DAPK1: variants seen among roughly 807,000 people sequenced by gnomAD.
DAPK1 encodes the protein death associated protein kinase 1.
In DAPK1, 56 loss-of-function variants were observed where a neutral mutation model predicts 144.9. The ratio of observed to expected loss-of-function variants is 0.39; its 90% CI spans 0.31 to 0.48. The LOEUF is 0.48. DAPK1 is among the 20% of genes least tolerant of loss of function. DAPK1 has a pLI of 0.95. For missense variants in DAPK1, 1,454 were observed against 1,875.4 expected (o/e 0.78, Z 4.15); for synonymous variants, 690 against 749.0 (o/e 0.92, Z 1.29).
chr9:87,680,026 T>G (rs561559955), intron 19 of DAPK1, among the ~76,000 whole-genome samples: 7 of 152,198 alleles, frequency 4.6e-5, no homozygotes, highest in Admixed American at 4.6e-4. Flanking sequence ...CTTAATTGAT[T>G]AGGGTAAATT....
chr9:87,651,467 A>C (rs1830440109), intron 16 of DAPK1, 60 bp from the exon 17 acceptor site: 2 of 1,539,040 alleles, frequency 1.3e-6, no homozygotes, highest in African/African-American at 2.7e-5. Flanking sequence ...GAAAAGGTGA[A>C]GAGACGGAGG....
intron 18 of DAPK1, among the ~76,000 whole-genome samples, chr9:87,660,593 A>G (rs1830808048): frequency 6.6e-6 from 1 of 151,996 alleles, no homozygotes; most frequent in South Asian, 2.1e-4. Flanking sequence ...AGCAAAGCAC[A>G]TTGTACCCAT....
chr9:87,535,200 C>T (rs1825819667), intron 2 of DAPK1, among the ~76,000 whole-genome samples: 1 of 152,016 alleles, frequency 6.6e-6, no homozygotes, highest in African/African-American at 2.4e-5. Context: ...TCTGGTGTCA[C>T]CTCTGGCTTG....
chr9:87,643,371 AAAAG>A lies in DAPK1; in HGVS notation c.919-4_919-1del, dbSNP rs1354726120. On this transcript the variant is annotated splice_acceptor_variant and splice_polypyrimidine_tract_variant and intron_variant, in intron 10 of 25. Transcript: ENST00000408954. LOFTEE classifies it high-confidence loss of function. ...CCTTTTTTTTTTTTTTTTTTTAAAAAAAAGCAATCCGTTCGCTTGATATCACTGT... is the reference window on the plus strand; with the variant it reads ...CCTTTTTTTTTTTTTTTTTTTAAAAACAATCCGTTCGCTTGATATCACTGT... 1 of 1,552,338 alleles carries A rather than the reference AAAAG, an allele frequency of 6.4e-7. No homozygotes were observed. The highest frequency in any genetic ancestry group is 1.4e-5 in the African/African-American group (1 of 70,464).
At chr9:87,615,957 G>A (rs1264401746) in intron 3 of DAPK1, among the ~76,000 whole-genome samples, 1 of 152,252 alleles carries the variant, frequency 6.6e-6, no homozygotes, top group African/African-American at 2.4e-5. Flanking sequence ...AGGCCCCATT[G>A]TCTGTGGGCT....
chr9:87,595,019 C>A (rs1158911591), intron 2 of DAPK1, among the ~76,000 whole-genome samples: 2 of 152,186 alleles, frequency 1.3e-5, no homozygotes, highest in African/African-American at 4.8e-5. Context: ...GATTGGCATC[C>A]TGCCTTAGGG....
chr9:87,632,923 A>ATATATATATATATATATATAT (rs1829756847), intron 3 of DAPK1: 3 of 698,180 alleles, frequency 4.3e-6, no homozygotes, highest in Admixed American at 8.3e-5. Flanking sequence ...TATATATATA[A>ATATATATATATATATATATAT]ATGAAGGGTG....
chr9:87,639,363 A>G lies in DAPK1; in HGVS notation c.433A>G (p.Ile145Val). The G allele has an allele frequency of 6.2e-7, 1 of 1,607,712 alleles. No individual in the cohort carries two copies. The highest frequency in any genetic ancestry group is 8.5e-7 in the Non-Finnish European group (1 of 1,178,390). The change falls in exon 5 of 26, where the codon ATA (isoleucine) becomes GTA (valine). Residue 145 changes from isoleucine to valine, a missense_variant. Around this residue, in one of 2 missense-constraint regions of DAPK1, gnomAD observed 429 missense variants for 637.5 expected, o/e 0.67. Coordinates refer to ENST00000408954, the MANE Select transcript of DAPK1 (RefSeq NM_004938.4). ...IAHFDLKPEN[I>V]MLLDRNVPKP... The stretch of plus-strand genomic sequence containing the variant: ...CTCTCTTTTTTTCAAGCCTGAGAAC[A>G]TAATGCTTTTGGATAGAAATGTCCC...
intron 2 of DAPK1, among the ~76,000 whole-genome samples, chr9:87,576,018 G>A (rs894255865): frequency 1.3e-5 from 2 of 152,332 alleles, no homozygotes; most frequent in East Asian, 3.9e-4. Flanking sequence ...AATGCCTTCC[G>A]TGGTTCAATG....
intron 3 of DAPK1, among the ~76,000 whole-genome samples, chr9:87,624,399 A>G (rs1193657475): frequency 6.6e-6 from 1 of 152,168 alleles, no homozygotes; most frequent in Non-Finnish European, 1.5e-5. Context: ...GGTCCTCCAA[A>G]ACAGGACATG....
intron 16 of DAPK1, 113 bp from the exon 17 acceptor site, chr9:87,651,414 A>G: frequency 1.0e-6 from 1 of 1,002,066 alleles, no homozygotes; most frequent in Non-Finnish European, 1.6e-6. Flanking sequence ...TAGGGCTTTT[A>G]GTAGTGATCT....
chr9:87,621,896 C>G (rs1829305757), intron 3 of DAPK1, among the ~76,000 whole-genome samples: 1 of 152,070 alleles, frequency 6.6e-6, no homozygotes, highest in Non-Finnish European at 1.5e-5. Flanking sequence ...CTGCAGTTCC[C>G]CCACATCCAC....
chr9:87,630,311 A>C (rs1227799311), intron 3 of DAPK1, among the ~76,000 whole-genome samples: 1 of 152,206 alleles, frequency 6.6e-6, no homozygotes, highest in East Asian at 1.9e-4. Flanking sequence ...ACTTGTGATT[A>C]AATAGTTTTA....
intron 2 of DAPK1, among the ~76,000 whole-genome samples, chr9:87,599,256 C>G (rs1828428516): frequency 6.6e-6 from 1 of 152,184 alleles, no homozygotes; most frequent in Non-Finnish European, 1.5e-5. Flanking sequence ...TTAAAAATCT[C>G]CCTGAGACCT....
At chr9:87,576,863 G>A (rs1048809701) in intron 2 of DAPK1, among the ~76,000 whole-genome samples, 2 of 151,984 alleles carry the variant, frequency 1.3e-5, no homozygotes, top group African/African-American at 4.8e-5. Context: ...CCTGGCCCTG[G>A]ATCTCGGTTT....
At chr9:87,676,766 AG>A (rs1239604707) in intron 19 of DAPK1, among the ~76,000 whole-genome samples, 2 of 152,194 alleles carry the variant, frequency 1.3e-5, no homozygotes, top group Admixed American at 6.5e-5. Context: ...TGCCCTATTC[AG>A]GAAGTGCCTT....
At chr9:87,693,153 T>G (rs540382497) in intron 21 of DAPK1, among the ~76,000 whole-genome samples, 1 of 151,676 alleles carries the variant, frequency 6.6e-6, no homozygotes, top group Non-Finnish European at 1.5e-5. Flanking sequence ...AACAATTATT[T>G]TAATAAATAG....
chr9:87,505,106 G>A (rs1220680584), intron 2 of DAPK1, among the ~76,000 whole-genome samples: 1 of 152,186 alleles, frequency 6.6e-6, no homozygotes, highest in Non-Finnish European at 1.5e-5. Flanking sequence ...ATGATTAGGG[G>A]TGAGGGGCTG....
intron 2 of DAPK1, among the ~76,000 whole-genome samples, chr9:87,533,668 C>CCCTGT (rs1174681562): frequency 1.3e-5 from 2 of 152,010 alleles, no homozygotes; most frequent in East Asian, 1.9e-4. Flanking sequence ...TCCTGCTCTG[C>CCCTGT]CCTGCCCTTT....
Sources: allele counts gnomAD v4.1 joint callset (sites outside exome capture counted in the v4.1 genomes callset), GRCh38; gene constraint gnomAD v4.1.1; regional missense constraint gnomAD v4.1.1; transcripts MANE v1.5; gene names NCBI Gene and HGNC (gene_info 2026-07-23, HGNC 2026-07-21).